Variants in CACNA1D observed in about 807,000 individuals in gnomAD.
CACNA1D encodes calcium voltage-gated channel subunit alpha1 D.
A neutral mutation model predicts 257.1 loss-of-function variants in CACNA1D; 55 were observed. The observed-to-expected ratio is 0.21, with a 90% CI of 0.17 to 0.27. The LOEUF (loss-of-function observed/expected upper bound fraction) is 0.27, where lower values mean the gene tolerates loss of function less well. CACNA1D is among the 10% of genes least tolerant of loss of function. The pLI is 1.00. For missense variants in CACNA1D, 1,876 were observed against 2,784.0 expected (o/e 0.67, Z 7.34); for synonymous variants, 980 against 1,014.9 (o/e 0.97, Z 0.65).
intron 3 of CACNA1D, among the ~76,000 whole-genome samples, chr3:53,548,098 G>A (rs2092451156): frequency 6.6e-6 from 1 of 152,280 alleles, no homozygotes; most frequent in East Asian, 1.9e-4. Context: ...TTTCTCTGTG[G>A]TTTGGTTTAC....
chr3:53,735,232 G>A (rs1372260359), intron 19 of CACNA1D, 142 bp from the exon 20 acceptor site: 3 of 835,484 alleles, frequency 3.6e-6, no homozygotes, highest in Admixed American at 3.4e-5. Context: ...GGTTGCTCAG[G>A]TGTGCCGGGC....
intron 9 of CACNA1D, among the ~76,000 whole-genome samples, chr3:53,714,298 G>GC (rs1186415427): frequency 6.6e-6 from 1 of 152,136 alleles, no homozygotes; most frequent in African/African-American, 2.4e-5. Context: ...ATAAGGCCTA[G>GC]CCACTTGTCA....
chr3:53,507,204 C>G lies in CACNA1D; in HGVS notation c.483+5484C>G, dbSNP rs141665271. Among the ~76,000 whole-genome samples, 599 of 151,844 alleles carry G rather than the reference C, an allele frequency of 3.9e-3. 7 individuals carry two copies. Among genetic ancestry groups the G allele is most frequent in the African/African-American group, 0.014 (582 of 41,396 alleles). On this transcript the variant is annotated intron_variant, in intron 3 of 47. Coordinates refer to ENST00000350061, the MANE Select transcript of CACNA1D (RefSeq NM_001128840.3). Reference sequence around the variant, plus strand: ...TCCTAATGATATAATGTGAAACAGTCTATGTGCTATACAAATAATTATATC... The same window carrying G: ...TCCTAATGATATAATGTGAAACAGTGTATGTGCTATACAAATAATTATATC...
chr3:53,763,681 C>G (rs939062789), intron 30 of CACNA1D, among the ~76,000 whole-genome samples: 3 of 152,176 alleles, frequency 2.0e-5, no homozygotes, highest in Non-Finnish European at 4.4e-5. Context: ...TCCTGGTGCC[C>G]AGACAGCCTG....
chr3:53,758,931 A>T (rs577404336), intron 29 of CACNA1D, among the ~76,000 whole-genome samples: 219 of 152,302 alleles, frequency 1.4e-3, no homozygotes, highest in Admixed American at 3.8e-3. Context: ...GAACTGAGTC[A>T]TGCCACTTGA....
intron 3 of CACNA1D, among the ~76,000 whole-genome samples, chr3:53,578,589 G>C (rs1365548045): frequency 2.0e-5 from 3 of 152,166 alleles, no homozygotes; most frequent in African/African-American, 7.2e-5. Context: ...TCTGTGAAAT[G>C]ATGATGATTC....
At chr3:53,724,606 C>G (rs2094913424) in intron 14 of CACNA1D, among the ~76,000 whole-genome samples, 1 of 152,244 alleles carries the variant, frequency 6.6e-6, no homozygotes, top group African/African-American at 2.4e-5. Flanking sequence ...CTGCTCAGAG[C>G]AGCAGCACAT....
chr3:53,730,482 T>C lies in CACNA1D; in HGVS notation c.2262T>C (p.Asn754=), dbSNP rs2094979243. The C allele has an allele frequency of 1.2e-6, 2 of 1,614,156 alleles. No homozygotes were observed. Among genetic ancestry groups the C allele is most frequent in the African/African-American group, 1.3e-5 (1 of 75,054 alleles). ...LNVFLAIAVD[N]LADAESLNTA... is the part of the protein sequence containing the mutation. Reference sequence around the variant, plus strand: ...TCTTCTTGGCCATCGCTGTAGACAATTTGGCTGATGCTGAAAGTCTGAACA... The same window carrying C: ...TCTTCTTGGCCATCGCTGTAGACAACTTGGCTGATGCTGAAAGTCTGAACA... Residue 754 remains asparagine (N), a synonymous_variant, in exon 16 of 48, where the codon AAT becomes AAC. Coordinates refer to ENST00000350061, the MANE Select transcript of CACNA1D (RefSeq NM_001128840.3).
At chr3:53,521,956 C>G (rs1257826879) in intron 3 of CACNA1D, among the ~76,000 whole-genome samples, 1 of 139,512 alleles carries the variant, frequency 7.2e-6, no homozygotes, top group Non-Finnish European at 1.5e-5. Context: ...GAGACCCCAT[C>G]TCTACCAAAA....
chr3:53,582,197 C>T (rs2093143878), intron 3 of CACNA1D, among the ~76,000 whole-genome samples: 1 of 151,992 alleles, frequency 6.6e-6, no homozygotes, highest in African/African-American at 2.4e-5. Context: ...ATGCTCTCAC[C>T]CTCCCTTTTT....
intron 45 of CACNA1D, 97 bp downstream of exon 45, chr3:53,805,243 C>T: frequency 1.7e-6 from 2 of 1,197,890 alleles, no homozygotes; most frequent in Non-Finnish European, 2.5e-6. Context: ...ATGTGTGCTG[C>T]CAGGTCAGGA....
chr3:53,544,553 G>A (rs1332776836), intron 3 of CACNA1D, among the ~76,000 whole-genome samples: 1 of 152,138 alleles, frequency 6.6e-6, no homozygotes, highest in African/African-American at 2.4e-5. Context: ...AATCAAATGG[G>A]ACTTTCCCCA....
chr3:53,718,513 C>T, intron 10 of CACNA1D, 125 bp downstream of exon 10: 1 of 1,054,130 alleles, frequency 9.5e-7, no homozygotes, highest in South Asian at 1.3e-5. Context: ...GGTGGGAAGG[C>T]TCCTCGTACC....
chr3:53,790,614 A>T (rs2095478337), intron 40 of CACNA1D, among the ~76,000 whole-genome samples: 1 of 152,250 alleles, frequency 6.6e-6, no homozygotes, highest in Admixed American at 6.5e-5. Context: ...AGGTTGAATA[A>T]TTGTAAAGCC....
At position 53,539,112 on chromosome 3, in the gene CACNA1D, T is replaced by G. The variant is rs28619153; in HGVS notation, c.483+37392T>G. The stretch of plus-strand genomic sequence containing the variant: ...GGATCATGCTTCCTGAATTTTTTTT[T>G]TTGTTGTTGTTGTTCGAGACAGAGT... On this transcript the variant is annotated intron_variant, in intron 3 of 47. Transcript: ENST00000350061. Among the ~76,000 whole-genome samples the G allele has an allele frequency of 8.9e-3, 1,352 of 152,220 alleles. 9 individuals carry two copies. Among genetic ancestry groups the G allele is most frequent in the African/African-American group, 0.025 (1,055 of 41,502 alleles).
chr3:53,805,070 G>A lies in CACNA1D; in HGVS notation c.5673G>A (p.Leu1891=). The A allele has an allele frequency of 6.2e-7, 1 of 1,614,074 alleles. No homozygotes were observed. Among genetic ancestry groups the A allele is most frequent in the Non-Finnish European group, 8.5e-7 (1 of 1,179,966 alleles). ...PRGYHHPQGF[L]EDDDSPVCYD... ...GCTACCATCATCCCCAAGGATTCTT[G>A]GAGGACGATGACTCGCCCGTTTGCT... is the stretch of plus-strand genomic sequence containing the variant. The change falls in exon 45 of 48, where the codon TTG becomes TTA. Residue 1891 remains leucine, a synonymous_variant. Transcript: ENST00000350061.
rs371430242 is a variant in CACNA1D, at chr3:53,731,290, C to T, written c.2406+144C>T. Reference sequence around the variant, plus strand: ...GAAGAATATGGCACACCATATAGACCCTGGCTTCCCAGGGGGGATTCTGGT... The same window carrying T: ...GAAGAATATGGCACACCATATAGACTCTGGCTTCCCAGGGGGGATTCTGGT... On this transcript the variant is annotated intron_variant, in intron 17 of 47. Coordinates refer to ENST00000350061, the MANE Select transcript of CACNA1D (RefSeq NM_001128840.3). 33 of 668,502 alleles carry T rather than the reference C, an allele frequency of 4.9e-5. No individual in the cohort carries two copies. In the East Asian group the frequency reaches 7.6e-4, roughly 15 times the overall value. The allele number at this position is 668,502 out of a possible 1,614,324, so 41.4% of individuals were successfully genotyped here.
chr3:53,746,099 T>C (rs150215886), intron 25 of CACNA1D, among the ~76,000 whole-genome samples: 2 of 152,292 alleles, frequency 1.3e-5, no homozygotes, highest in African/African-American at 4.8e-5. Context: ...CATGGCATTG[T>C]TGTGCAACCA....
At chr3:53,620,547 T>C (rs1174477394) in intron 3 of CACNA1D, among the ~76,000 whole-genome samples, 2 of 152,010 alleles carry the variant, frequency 1.3e-5, no homozygotes, top group African/African-American at 4.8e-5. Flanking sequence ...CCTCTTGGCT[T>C]CCCAAAGTGC....
Sources: allele counts gnomAD v4.1 joint callset (sites outside exome capture counted in the v4.1 genomes callset), GRCh38; gene constraint gnomAD v4.1.1; transcripts MANE v1.5; gene names NCBI Gene and HGNC (gene_info 2026-07-23, HGNC 2026-07-21).